Variants in FGF16 observed in about 807,000 individuals in gnomAD.
The protein encoded by FGF16 is fibroblast growth factor 16, also known as metacarpal 4-5 fusion.
In FGF16, 2 loss-of-function variants were observed where a neutral mutation model predicts 8.5. The observed-to-expected ratio is 0.24, with a 90% confidence interval of 0.10 to 0.75. The LOEUF (loss-of-function observed/expected upper bound fraction) is 0.75, where lower values mean the gene tolerates loss of function less well. Among genes scored for constraint, FGF16 ranks in the 30% least tolerant of loss-of-function variants. The pLI is 0.74. For synonymous variants in FGF16, 33 were observed against 34.6 expected (o/e 0.95, Z 0.16); for missense variants, 79 against 87.4 (o/e 0.90, Z 0.38).
chrX:77,450,385 T>G (rs1192935003), intron 1 of FGF16, among the ~76,000 whole-genome samples: 1 of 112,532 alleles, frequency 8.9e-6, no homozygotes. Context: ...GCATATGCTC[T>G]CCGCTCTCCA....
rs902579564 is a variant in FGF16, at chrX:77,454,077, G to T, written c.275-80G>T. 1.1e-5 allele frequency: 7 copies of T among 644,462 alleles called. No individual in the cohort carries two copies. The African/African-American group carries it at 1.3e-4, about 12-fold the overall frequency. 53.1% of individuals were successfully genotyped at this position (644,462 alleles called of 1,213,427 possible). A position where few individuals can be genotyped will look rare whatever the true frequency, so the allele number is the denominator to read the frequency against. ...GGCTGGCCTCCAGTTGGGGACAAAT[G>T]ACTGGTAGCTCATGTCACCTGAACA... On this transcript the variant is annotated intron_variant, in intron 1 of 2. Coordinates refer to ENST00000439435, the MANE Select transcript of FGF16 (RefSeq NM_003868.3).
intron 2 of FGF16, among the ~76,000 whole-genome samples, chrX:77,455,213 G>A (rs1557027025): frequency 8.9e-6 from 1 of 112,226 alleles, no homozygotes; most frequent in African/African-American, 3.2e-5. Flanking sequence ...TCAGGGTTTG[G>A]GGCATTAACC....
At chrX:77,449,052 ATC>A (rs1305625052) in intron 1 of FGF16, among the ~76,000 whole-genome samples, 2 of 110,205 alleles carry the variant, frequency 1.8e-5, no homozygotes. Context: ...TCTTGCCAAC[ATC>A]TGCCCCAAAC....
Position 77,454,143 on chromosome X carries a change from A to C in FGF16, c.275-14A>C, listed in dbSNP as rs1331059563. The C allele has an allele frequency of 9.0e-7, 1 of 1,116,803 alleles. No individual in the cohort carries two copies. The highest frequency in any genetic ancestry group is 1.8e-5 in the African/African-American group (1 of 54,869). The allele number at this position is 1,116,803 out of a possible 1,213,427, so 92.0% of individuals were successfully genotyped here. A position where few individuals can be genotyped will look rare whatever the true frequency, so the allele number is the denominator to read the frequency against. Reference sequence around the variant, plus strand: ...GATGCTGGTAATGGGAATAGTGTTCACTTTTTGCCCTAGGAATCCTGGAGT... The same window carrying C: ...GATGCTGGTAATGGGAATAGTGTTCCCTTTTTGCCCTAGGAATCCTGGAGT... On this transcript the variant is annotated splice_polypyrimidine_tract_variant and intron_variant, in intron 1 of 2. Coordinates refer to ENST00000439435, the MANE Select transcript of FGF16 (RefSeq NM_003868.3).
In FGF16 at chrX:77,456,616, T is replaced by C. The variant is rs2062573367; in HGVS notation, c.*94T>C. ...TCATAGCTTTTCAATCCTTCCTTCC[T>C]ATCATTTTAGATAACAGAAAAGCAC... On this transcript the variant is annotated 3_prime_UTR_variant, in exon 3 of 3. Transcript: ENST00000439435. 1 of 868,709 alleles carries C rather than the reference T, an allele frequency of 1.2e-6. No individual in the cohort carries two copies. The highest frequency in any genetic ancestry group is 2.0e-5 in the African/African-American group (1 of 49,456). The allele number at this position is 868,709 out of a possible 1,213,427, so 71.6% of individuals were successfully genotyped here.
intron 1 of FGF16, among the ~76,000 whole-genome samples, chrX:77,448,355 C>T (rs1030049629): frequency 8.9e-6 from 1 of 112,511 alleles, no homozygotes; most frequent in African/African-American, 3.2e-5. Context: ...AGCTGATTTC[C>T]TGGAACAGGA....
intron 2 of FGF16, among the ~76,000 whole-genome samples, chrX:77,454,660 A>C (rs1240488892): frequency 9.6e-6 from 1 of 103,648 alleles, no homozygotes; most frequent in Non-Finnish European, 1.9e-5. Context: ...ATCTCAAAAA[A>C]AAAAGAAATT....
In FGF16 at chrX:77,456,610, C is replaced by T. The variant is rs2062573339; in HGVS notation, c.*88C>T. 14 of 883,945 alleles carry T rather than the reference C, an allele frequency of 1.6e-5. No individual in the cohort carries two copies. The South Asian group carries it at 3.4e-4, about 22-fold the overall frequency. The allele number at this position is 883,945 out of a possible 1,213,427, so 72.8% of individuals were successfully genotyped here. A position where few individuals can be genotyped will look rare whatever the true frequency, so the allele number is the denominator to read the frequency against. ...CTATATTCATAGCTTTTCAATCCTT[C>T]CTTCCTATCATTTTAGATAACAGAA... On this transcript the variant is annotated 3_prime_UTR_variant, in exon 3 of 3. Coordinates refer to ENST00000439435, the MANE Select transcript of FGF16 (RefSeq NM_003868.3).
intron 1 of FGF16, among the ~76,000 whole-genome samples, chrX:77,449,134 G>C (rs2062549837): frequency 9.0e-6 from 1 of 111,683 alleles, no homozygotes; most frequent in Non-Finnish European, 1.9e-5. Flanking sequence ...ACAGCAAAAA[G>C]GGGAACATAG....
rs2062573682 is a variant in FGF16 at position 77,456,707 on chromosome X, T to G, written c.*185T>G. On this transcript the variant is annotated 3_prime_UTR_variant, in exon 3 of 3. Transcript: ENST00000439435. ...AGTGTATATCAAGGTTGGGTTATTT[T>G]GGGGAGGGATGGGGGGCTGGGCTCG... 1.5e-5 allele frequency: 6 copies of G among 411,790 alleles called. No homozygotes were observed. The highest frequency in any genetic ancestry group is 4.4e-5 in the Admixed American group (1 of 22,766). 33.9% of individuals were successfully genotyped at this position (411,790 alleles called of 1,213,427 possible).
At chrX:77,450,597 C>T (rs1301296860) in intron 1 of FGF16, among the ~76,000 whole-genome samples, 1 of 112,574 alleles carries the variant, frequency 8.9e-6, no homozygotes. Flanking sequence ...ATCTGGTTCT[C>T]ATTTGGCAAG....
Position 77,456,665 on chromosome X carries a change from G to C in FGF16, c.*143G>C, listed in dbSNP as rs1557027158. 3.4e-6 allele frequency: 2 copies of C among 584,423 alleles called. No homozygotes were observed. The highest frequency in any genetic ancestry group is 3.4e-5 in the South Asian group (1 of 29,342). The allele number at this position is 584,423 out of a possible 1,213,427, so 48.2% of individuals were successfully genotyped here. ...ACTTACTGTTGAACTCAACCCAGCT[G>C]TTCCCTTGTTGTTCAAAGTGTATAT... On this transcript the variant is annotated 3_prime_UTR_variant, in exon 3 of 3. Coordinates refer to ENST00000439435, the MANE Select transcript of FGF16 (RefSeq NM_003868.3).
chrX:77,450,670 G>A (rs782600622), intron 1 of FGF16, among the ~76,000 whole-genome samples: 1 of 112,825 alleles, frequency 8.9e-6, no homozygotes, highest in Non-Finnish European at 1.9e-5. Flanking sequence ...ATTCAGGCAA[G>A]TTATGGAACT....
intron 1 of FGF16, among the ~76,000 whole-genome samples, chrX:77,451,950 T>C (rs1477196812): frequency 2.7e-5 from 3 of 111,567 alleles, no homozygotes; most frequent in Non-Finnish European, 3.8e-5. Context: ...GGGAGCAGGG[T>C]ATGAAGAGAA....
At position 77,456,302 on chromosome X, in the gene FGF16, T is replaced by C. The variant is rs1557027104; in HGVS notation, c.404T>C (p.Phe135Ser). The change falls in exon 3 of 3, where the codon TTC becomes TCC. Residue 135 changes from phenylalanine (F) to serine (S), a missense_variant. Physicochemically the swap from Phe to Ser is radical, Grantham distance 155. Coordinates refer to ENST00000439435, the MANE Select transcript of FGF16 (RefSeq NM_003868.3). ...GSKKLTRECV[F>S]REQFEENWYN... The stretch of plus-strand genomic sequence containing the variant: ...AAGAAACTCACACGTGAATGTGTTT[T>C]CCGGGAACAGTTTGAAGAAAACTGG... 8.3e-7 allele frequency: 1 copy of C among 1,210,004 alleles called. No individual in the cohort carries two copies. The highest frequency in any genetic ancestry group is 3.0e-5 in the East Asian group (1 of 33,847).
At chrX:77,448,919 C>G (rs1359866967) in intron 1 of FGF16, among the ~76,000 whole-genome samples, 1 of 111,660 alleles carries the variant, frequency 9.0e-6, no homozygotes, top group African/African-American at 3.3e-5. Context: ...TCCGCATCCT[C>G]CAATGTCCTC....
At chrX:77,453,663 T>C (rs944734170) in intron 1 of FGF16, among the ~76,000 whole-genome samples, 10 of 111,368 alleles carry the variant, frequency 9.0e-5, no homozygotes, top group Non-Finnish European at 1.7e-4. Flanking sequence ...CTACAGGCAG[T>C]TGACGGCCTC....
intron 1 of FGF16, among the ~76,000 whole-genome samples, chrX:77,448,346 G>C (rs1352742706): frequency 8.9e-6 from 1 of 112,712 alleles, no homozygotes; most frequent in Non-Finnish European, 1.9e-5. Context: ...GGCTGTGGCA[G>C]CTGATTTCCT....
chrX:77,450,485 A>G lies in FGF16; in HGVS notation c.274+2537A>G, dbSNP rs2062553922. Among the ~76,000 whole-genome samples, 3 of 112,698 alleles carry G rather than the reference A, an allele frequency of 2.7e-5. No individual in the cohort carries two copies. The Admixed American group carries it at 2.8e-4, about 11-fold the overall frequency. On this transcript the variant is annotated intron_variant, in intron 1 of 2. Coordinates refer to ENST00000439435, the MANE Select transcript of FGF16 (RefSeq NM_003868.3). ...CAAGGATACTGACATTCCGAGGGGC[A>G]CCTGTGGACTGGCAGAGCAGAGCTT...
Sources: gnomAD v4.1 joint callset for allele counts (sites outside exome capture counted in the v4.1 genomes callset) on GRCh38, gnomAD v4.1.1 for gene constraint, MANE v1.5 for transcripts, NCBI Gene and HGNC (gene_info 2026-07-23, HGNC 2026-07-21) for gene names.